SYTL3: variants seen among roughly 807,000 people sequenced by gnomAD.
SYTL3 encodes the protein synaptotagmin like 3.
Under a neutral mutation model 82.1 loss-of-function variants are expected in SYTL3, and 88 were observed. That is an observed-to-expected ratio of 1.07 (90% CI 0.90 to 1.28). The LOEUF (loss-of-function observed/expected upper bound fraction) is 1.28. Ranked by LOEUF, SYTL3 falls within the 50% of genes most tolerant of loss-of-function variation. The probability of loss-of-function intolerance (pLI) is 0.00; values close to 1 mark genes in which losing one functional copy is unlikely to be tolerated. For missense variants in SYTL3, 831 were observed against 757.6 expected, an observed-to-expected ratio of 1.10 and a Z score of -1.14; for synonymous variants, 311 against 289.4, an observed-to-expected ratio of 1.07 and a Z score of -0.76.
intron 11 of SYTL3, among the ~76,000 whole-genome samples, chr6:158,735,510 C>A (rs746108938): frequency 3.3e-5 from 5 of 152,132 alleles, no homozygotes; most frequent in Non-Finnish European, 7.3e-5. Flanking sequence ...GCTGAAGCAG[C>A]ATTTATTTGA....
rs551893023 is a variant in SYTL3 at position 158,675,233 on chromosome 6, G to A, written c.330-7692G>A. Among the ~76,000 whole-genome samples, 46 of 152,266 alleles carry A rather than the reference G, an allele frequency of 3.0e-4. No individual in the cohort carries two copies. The South Asian group carries it at 6.0e-3, about 20-fold the overall frequency. On this transcript the variant is annotated intron_variant, in intron 5 of 17. Transcript: ENST00000611299. ...GTAATGTGCCTGGCCAGAGCTTGTA[G>A]CTGTGAATATAGCACTGGATGTGAC...
At chr6:158,744,523 G>A (rs9885909) in intron 11 of SYTL3, among the ~76,000 whole-genome samples, 35,008 of 151,284 alleles carry the variant, frequency 0.23, 4,382 homozygotes, top group African/African-American at 0.32. Flanking sequence ...GTTTCACCTT[G>A]TTAGCCAGGA....
rs1040296007 is a variant in SYTL3 at position 158,725,725 on chromosome 6, C to T, written c.855+88C>T. ...TGTACAAGTCCTTATTTCAATTACT[C>T]CTATTTGAAGGTCCTTATTTTTGGA... On this transcript the variant is annotated intron_variant, in intron 11 of 17. Transcript: ENST00000611299. The T allele has an allele frequency of 7.5e-5, 112 of 1,492,886 alleles. No homozygotes were observed. In the East Asian group the frequency reaches 2.5e-3, roughly 33 times the overall value. 92.5% of individuals were successfully genotyped at this position (1,492,886 alleles called of 1,614,324 possible).
At chr6:158,722,647 C>T (rs1037976060) in intron 10 of SYTL3, among the ~76,000 whole-genome samples, 1 of 151,786 alleles carries the variant, frequency 6.6e-6, no homozygotes, top group Admixed American at 6.6e-5. Flanking sequence ...CTATATTGGC[C>T]ATAAAAACAT....
At chr6:158,761,548 TCCG>T (rs1490060277) in intron 15 of SYTL3, among the ~76,000 whole-genome samples, 1 of 152,026 alleles carries the variant, frequency 6.6e-6, no homozygotes, top group Non-Finnish European at 1.5e-5. Context: ...GACCTCATGA[TCCG>T]CCCACCTTGG....
intron 6 of SYTL3, among the ~76,000 whole-genome samples, chr6:158,686,743 G>T: frequency 6.6e-6 from 1 of 152,214 alleles, no homozygotes; most frequent in East Asian, 1.9e-4. Context: ...GGTTAGACAG[G>T]AATTGGAGGC....
intron 5 of SYTL3, among the ~76,000 whole-genome samples, chr6:158,674,402 T>TGCTTTCTGAAA (rs1777794699): frequency 6.6e-6 from 1 of 152,212 alleles, no homozygotes. Context: ...GGAGGCTGAC[T>TGCTTTCTGAAA]GCTTTCTGAA....
chr6:158,722,977 G>A (rs1210797225), intron 10 of SYTL3, among the ~76,000 whole-genome samples: 4 of 151,480 alleles, frequency 2.6e-5, no homozygotes, highest in Non-Finnish European at 4.4e-5. Flanking sequence ...TTTTGGCCAT[G>A]CTGGTCTTGA....
chr6:158,703,886 C>T (rs1434507284), intron 6 of SYTL3, among the ~76,000 whole-genome samples: 1 of 150,496 alleles, frequency 6.6e-6, no homozygotes, highest in Non-Finnish European at 1.5e-5. Flanking sequence ...ATCTCCCAGG[C>T]TGGAGTGCAG....
At chr6:158,744,930 A>G (rs1562453295) in intron 11 of SYTL3, among the ~76,000 whole-genome samples, 1 of 152,154 alleles carries the variant, frequency 6.6e-6, no homozygotes, top group South Asian at 2.1e-4. Context: ...ATTCAGATAC[A>G]ATTTACTGTT....
intron 6 of SYTL3, among the ~76,000 whole-genome samples, chr6:158,705,803 G>A (rs1782020309): frequency 1.3e-5 from 2 of 152,064 alleles, no homozygotes; most frequent in African/African-American, 2.4e-5. Flanking sequence ...GGCCACATAG[G>A]GCAGGGGGAT....
intron 10 of SYTL3, among the ~76,000 whole-genome samples, chr6:158,725,016 C>T (rs112201976): frequency 0.02 from 3,068 of 151,172 alleles, 36 homozygotes; most frequent in African/African-American, 0.03. Flanking sequence ...AGCAAGACTC[C>T]GTCTCAAAAA....
At chr6:158,716,526 C>T (rs1783450867) in intron 9 of SYTL3, among the ~76,000 whole-genome samples, 1 of 152,190 alleles carries the variant, frequency 6.6e-6, no homozygotes, top group Admixed American at 6.5e-5. Flanking sequence ...TTACGAGCTG[C>T]TGGCCTTAGA....
chr6:158,723,412 C>T (rs1195734715), intron 10 of SYTL3, among the ~76,000 whole-genome samples: 1 of 152,114 alleles, frequency 6.6e-6, no homozygotes, highest in Admixed American at 6.5e-5. Context: ...TTCATGCTGC[C>T]AAGTTGCCCT....
rs112115614 is a variant in SYTL3, at chr6:158,764,093, A to G, written c.1724-402A>G. Reference sequence around the variant, plus strand: ...CACTGCTCCATTGCTTTTCAAAGATATTTTGTCCAAAGCATACTGTCTTCC... The same window carrying G: ...CACTGCTCCATTGCTTTTCAAAGATGTTTTGTCCAAAGCATACTGTCTTCC... On this transcript the variant is annotated intron_variant, in intron 17 of 17. Transcript: ENST00000611299. Among the ~76,000 whole-genome samples, 466 of 152,326 alleles carry G rather than the reference A, an allele frequency of 3.1e-3. 5 individuals carry two copies. The highest frequency in any genetic ancestry group is 0.011 in the African/African-American group (443 of 41,568).
intron 6 of SYTL3, among the ~76,000 whole-genome samples, chr6:158,689,156 A>G (rs969617964): frequency 1.3e-5 from 2 of 152,260 alleles, no homozygotes; most frequent in Non-Finnish European, 1.5e-5. Context: ...AGAATAATGC[A>G]AAGAATATCC....
chr6:158,687,038 C>T (rs1779374199), intron 6 of SYTL3, among the ~76,000 whole-genome samples: 1 of 152,216 alleles, frequency 6.6e-6, no homozygotes, highest in African/African-American at 2.4e-5. Flanking sequence ...ATATCCTGAG[C>T]AGAAGTTAGA....
At chr6:158,759,450 C>T (rs1247487220) in intron 14 of SYTL3, among the ~76,000 whole-genome samples, 2 of 152,226 alleles carry the variant, frequency 1.3e-5, no homozygotes, top group African/African-American at 4.8e-5. Context: ...GGCTGCTTCT[C>T]AGTGCTGGCA....
intron 13 of SYTL3, 140 bp from the exon 14 acceptor site, chr6:158,757,071 C>G: frequency 2.5e-6 from 2 of 794,828 alleles, no homozygotes; most frequent in South Asian, 3.6e-5. Flanking sequence ...GCTGCATCCG[C>G]ATCTTGGACT....
Sources: gnomAD v4.1 joint callset for allele counts (sites outside exome capture counted in the v4.1 genomes callset) on GRCh38, gnomAD v4.1.1 for gene constraint, MANE v1.5 for transcripts, NCBI Gene and HGNC (gene_info 2026-07-23, HGNC 2026-07-21) for gene names.